The following SH3BP5 variants were observed in gnomAD, a reference collection of about 807,000 sequenced individuals.
SH3BP5 encodes SH3 domain-binding protein 5.
SH3BP5 carries 22 observed loss-of-function variants against 43.3 expected under a neutral mutation model. That is an observed-to-expected ratio of 0.51 (90% CI 0.36 to 0.73). The LOEUF is 0.73. SH3BP5 is among the 30% of genes least tolerant of loss of function. The pLI is 0.00. For synonymous variants in SH3BP5, 255 were observed against 225.8 expected, an observed-to-expected ratio of 1.13 and a Z score of -1.16; for missense variants, 529 against 586.9, an observed-to-expected ratio of 0.90 and a Z score of 1.02.
intron 3 of SH3BP5, among the ~76,000 whole-genome samples, chr3:15,282,016 A>C (rs2177339): frequency 0.069 from 10,524 of 152,072 alleles, 545 homozygotes; most frequent in African/African-American, 0.14. Flanking sequence ...CCCCTCCCCC[A>C]AAAAAAGCAC....
intron 3 of SH3BP5, among the ~76,000 whole-genome samples, chr3:15,278,204 T>C (rs74592017): frequency 0.013 from 1,981 of 152,316 alleles, 21 homozygotes; most frequent in Non-Finnish European, 0.018. Flanking sequence ...CAGGCACTGC[T>C]GGAAAGAACC....
intron 2 of SH3BP5, among the ~76,000 whole-genome samples, chr3:15,328,893 T>G (rs111381219): frequency 2.6e-5 from 4 of 152,332 alleles, no homozygotes; most frequent in African/African-American, 9.6e-5. Context: ...AGCAGTTTAA[T>G]ACAGTGGCAA....
chr3:15,331,932 G>A, intron 1 of SH3BP5: 1 of 231,186 alleles, frequency 4.3e-6, no homozygotes, highest in Non-Finnish European at 8.5e-6. Flanking sequence ...GCCGCGGCCG[G>A]GCAGGGGTAC....
At chr3:15,287,567 G>T (rs1383833105) in intron 3 of SH3BP5, among the ~76,000 whole-genome samples, 1 of 152,228 alleles carries the variant, frequency 6.6e-6, no homozygotes, top group East Asian at 1.9e-4. Flanking sequence ...CTGAGCACTT[G>T]AAATATGGCC....
At chr3:15,265,895 C>A (rs1696629389) in intron 4 of SH3BP5, among the ~76,000 whole-genome samples, 1 of 152,138 alleles carries the variant, frequency 6.6e-6, no homozygotes, top group Non-Finnish European at 1.5e-5. Flanking sequence ...ACACCCGGCA[C>A]CTTCCCGCAT....
intron 3 of SH3BP5, among the ~76,000 whole-genome samples, chr3:15,299,067 G>A (rs7636747): frequency 0.044 from 6,760 of 152,266 alleles, 514 homozygotes; most frequent in African/African-American, 0.15. Flanking sequence ...GGGACTGATA[G>A]TGATAAAATG....
upstream of SH3BP5, among the ~76,000 whole-genome samples, chr3:15,333,551 TC>T (rs367726256): frequency 1.7e-3 from 260 of 152,292 alleles, 1 homozygote; most frequent in African/African-American, 5.8e-3. Context: ...GTATCTGTAA[TC>T]CCAGCTCTTT....
intron 7 of SH3BP5, 115 bp from the exon 8 acceptor site, chr3:15,257,228 C>T: frequency 9.6e-7 from 1 of 1,042,362 alleles, no homozygotes; most frequent in Non-Finnish European, 1.4e-6. Context: ...GTCTCTACCT[C>T]TGTGAGTGCC....
intron 3 of SH3BP5, among the ~76,000 whole-genome samples, chr3:15,303,543 C>A (rs1001339959): frequency 2.0e-5 from 3 of 152,170 alleles, no homozygotes; most frequent in Non-Finnish European, 4.4e-5. Context: ...TGATCACAGT[C>A]CCCTCCGCCA....
At chr3:15,284,664 A>T (rs1173974764) in intron 3 of SH3BP5, among the ~76,000 whole-genome samples, 1 of 152,226 alleles carries the variant, frequency 6.6e-6, no homozygotes, top group Non-Finnish European at 1.5e-5. Context: ...GTCTTTTGCC[A>T]GCCAGTACCT....
At chr3:15,280,136 G>A (rs1346460927) in intron 3 of SH3BP5, among the ~76,000 whole-genome samples, 2 of 152,128 alleles carry the variant, frequency 1.3e-5, no homozygotes, top group East Asian at 3.9e-4. Flanking sequence ...TACAGGGCCT[G>A]CCAGCTACAC....
chr3:15,320,640 ACC>A (rs1553619762), intron 2 of SH3BP5, among the ~76,000 whole-genome samples: 2 of 149,558 alleles, frequency 1.3e-5, no homozygotes, highest in African/African-American at 2.5e-5. Flanking sequence ...ACACACACAC[ACC>A]CCACTACGTT....
chr3:15,270,795 G>C (rs952201834), intron 3 of SH3BP5, among the ~76,000 whole-genome samples: 1 of 151,738 alleles, frequency 6.6e-6, no homozygotes, highest in African/African-American at 2.4e-5. Context: ...GCATGGTGGT[G>C]GGCACCTATA....
At chr3:15,316,912 G>A (rs1575344130) in intron 2 of SH3BP5, among the ~76,000 whole-genome samples, 1 of 152,218 alleles carries the variant, frequency 6.6e-6, no homozygotes, top group Non-Finnish European at 1.5e-5. Flanking sequence ...TAGAAAGACT[G>A]GGGGACCCAG....
chr3:15,298,080 A>C (rs538031317), intron 3 of SH3BP5, among the ~76,000 whole-genome samples: 1 of 151,768 alleles, frequency 6.6e-6, no homozygotes, highest in South Asian at 2.1e-4. Context: ...GGGCTCAAGC[A>C]ATCCTCCTGC....
intron 4 of SH3BP5, among the ~76,000 whole-genome samples, chr3:15,268,947 C>T (rs1053081546): frequency 1.3e-5 from 2 of 152,126 alleles, no homozygotes; most frequent in African/African-American, 2.4e-5. Flanking sequence ...CTGAATCTAC[C>T]AATGTCCTAC....
chr3:15,264,017 A>G (rs947654828), intron 4 of SH3BP5, among the ~76,000 whole-genome samples: 3 of 152,210 alleles, frequency 2.0e-5, no homozygotes, highest in Non-Finnish European at 4.4e-5. Context: ...GTTCACAGTT[A>G]AAAAAGAAGG....
chr3:15,297,991 T>TA (rs1559446241), intron 3 of SH3BP5, among the ~76,000 whole-genome samples: 1 of 146,570 alleles, frequency 6.8e-6, no homozygotes, highest in Non-Finnish European at 1.5e-5. Flanking sequence ...TTTTTTTTTT[T>TA]AAAGAGCCAA....
At chr3:15,338,425 T>C (rs1698727180) in intron 1 of SH3BP5, among the ~76,000 whole-genome samples, 1 of 152,244 alleles carries the variant, frequency 6.6e-6, no homozygotes, top group Non-Finnish European at 1.5e-5. Context: ...GGACTAAGAA[T>C]GAATCTGCAT....
Sources: gnomAD v4.1 joint callset for allele counts (sites outside exome capture counted in the v4.1 genomes callset) on GRCh38, gnomAD v4.1.1 for gene constraint, MANE v1.5 for transcripts, NCBI Gene and HGNC (gene_info 2026-07-23, HGNC 2026-07-21) for gene names.